The following HRH2 variants were observed in gnomAD, a reference collection of about 807,000 sequenced individuals.
The protein encoded by HRH2 is histamine H2 receptor.
HRH2 carries 4 observed loss-of-function variants against 20.1 expected under a neutral mutation model. The ratio of observed to expected loss-of-function variants is 0.20; its 90% CI spans 0.10 to 0.45. HRH2 has a LOEUF of 0.45. Ranked by LOEUF, HRH2 falls within the 20% of genes least tolerant of loss-of-function variation. The pLI is 0.99. For missense variants in HRH2, 250 were observed against 461.6 expected (o/e 0.54, Z 4.20); for synonymous variants, 197 against 200.7 (o/e 0.98, Z 0.16).
At chr5:175,691,165 G>C (rs1266157967) in intron 2 of HRH2, 1 of 152,328 alleles carries the variant, frequency 6.6e-6, no homozygotes, top group Non-Finnish European at 1.5e-5. Context: ...GCGGCCACGC[G>C]GCCACGCGGA....
Position 175,684,029 on chromosome 5 carries a change from A to G in HRH2, c.796A>G (p.Asn266Asp). 1 of 1,614,156 alleles carries G rather than the reference A, an allele frequency of 6.2e-7. No individual in the cohort carries two copies. The highest frequency in any genetic ancestry group is 8.5e-7 in the Non-Finnish European group (1 of 1,180,024). The change falls in exon 2 of 3, where the codon AAT (asparagine) becomes GAT (aspartate). Residue 266 changes from asparagine (N) to aspartate (D), a missense_variant. Around this residue, in one of 5 missense-constraint regions of HRH2, gnomAD observed 58 missense variants for 166.8 expected, o/e 0.35. Coordinates refer to ENST00000636584, the MANE Select transcript of HRH2 (RefSeq NM_001367711.1). ...YRGLRGDDAI[N>D]EVLEAIVLWL... ...TGGGCTGAGAGGGGATGATGCCATC[A>G]ATGAGGTGTTAGAAGCCATCGTTCT... is the stretch of plus-strand genomic sequence containing the variant.
intron 1 of HRH2, among the ~76,000 whole-genome samples, chr5:175,678,423 C>T (rs1755834026): frequency 6.6e-6 from 1 of 152,232 alleles, no homozygotes; most frequent in African/African-American, 2.4e-5. Flanking sequence ...AAGGTAGTAG[C>T]ATCACCATTT....
At chr5:175,672,222 C>A (rs935791571) in intron 1 of HRH2, among the ~76,000 whole-genome samples, 6 of 152,206 alleles carry the variant, frequency 3.9e-5, no homozygotes, top group Admixed American at 6.5e-5. Flanking sequence ...GGATTCCCAG[C>A]CCAGTGTTCT....
intron 1 of HRH2, among the ~76,000 whole-genome samples, chr5:175,673,905 A>G (rs1755661936): frequency 6.6e-6 from 1 of 151,898 alleles, no homozygotes; most frequent in African/African-American, 2.4e-5. Context: ...GAGTTTTGCC[A>G]TGTTGGCCAG....
At chr5:175,690,441 C>T (rs1561734703) in intron 2 of HRH2, among the ~76,000 whole-genome samples, 1 of 152,110 alleles carries the variant, frequency 6.6e-6, no homozygotes, top group Admixed American at 6.5e-5. Flanking sequence ...GTGTAAGGGG[C>T]GCAGACATTT....
chr5:175,666,174 C>T (rs1255235327), intron 1 of HRH2, among the ~76,000 whole-genome samples: 1 of 152,162 alleles, frequency 6.6e-6, no homozygotes, highest in Non-Finnish European at 1.5e-5. Flanking sequence ...GGACCAGCCT[C>T]ATCCCTGTCT....
intron 1 of HRH2, among the ~76,000 whole-genome samples, chr5:175,666,060 T>C (rs1455848027): frequency 1.3e-5 from 2 of 152,154 alleles, no homozygotes. Flanking sequence ...CACAGCTGTG[T>C]AGTGGCTCCC....
intron 1 of HRH2, among the ~76,000 whole-genome samples, chr5:175,664,167 C>A (rs1762821001): frequency 6.6e-6 from 1 of 152,216 alleles, no homozygotes; most frequent in Non-Finnish European, 1.5e-5. Flanking sequence ...ATTGCAAACA[C>A]CTCCAGCTCC....
chr5:175,692,882 C>T (rs1756434494), intron 2 of HRH2, among the ~76,000 whole-genome samples: 2 of 152,326 alleles, frequency 1.3e-5, no homozygotes, highest in African/African-American at 4.8e-5. Context: ...GTTTTTTATA[C>T]TAATGAGTCG....
intron 1 of HRH2, among the ~76,000 whole-genome samples, chr5:175,673,695 AGTTTTTTTTTTTT>A (rs1024866414): frequency 8.2e-5 from 12 of 146,746 alleles, no homozygotes; most frequent in African/African-American, 1.0e-4. Context: ...ATTTCACCTC[AGTTTTTTTTTTTT>A]GTTTTTTTTT....
intron 2 of HRH2, among the ~76,000 whole-genome samples, chr5:175,690,161 T>C (rs936222557): frequency 3.3e-5 from 5 of 152,126 alleles, no homozygotes; most frequent in Admixed American, 6.5e-5. Context: ...CACTTTGCAT[T>C]ACACCCAGGG....
intron 1 of HRH2, among the ~76,000 whole-genome samples, chr5:175,666,135 GC>G (rs1762883326): frequency 6.6e-6 from 1 of 152,114 alleles, no homozygotes. Flanking sequence ...GCCTGCCTGA[GC>G]CCTGAGGCCC....
chr5:175,667,593 C>A (rs1332429146), intron 1 of HRH2, among the ~76,000 whole-genome samples: 1 of 152,162 alleles, frequency 6.6e-6, no homozygotes, highest in Non-Finnish European at 1.5e-5. Context: ...CCCCCCACAT[C>A]CCCTGTAAGT....
intron 1 of HRH2, among the ~76,000 whole-genome samples, chr5:175,663,673 C>T (rs529989030): frequency 1.4e-4 from 21 of 152,354 alleles, no homozygotes; most frequent in African/African-American, 5.1e-4. Flanking sequence ...AGTTCCTCTG[C>T]CCAGCTTGCC....
At chr5:175,704,171 A>G (rs1294109233) in intron 2 of HRH2, among the ~76,000 whole-genome samples, 1 of 152,164 alleles carries the variant, frequency 6.6e-6, no homozygotes, top group African/African-American at 2.4e-5. Flanking sequence ...AGATTCAAAA[A>G]TAAGTATCAA....
chr5:175,691,052 A>G (rs893051023), intron 2 of HRH2, among the ~76,000 whole-genome samples: 1 of 151,986 alleles, frequency 6.6e-6, no homozygotes, highest in South Asian at 2.1e-4. Flanking sequence ...AGGGCAGCCC[A>G]TGGCCTCTGC....
chr5:175,683,140 C>G lies in HRH2; in HGVS notation c.-94C>G. ...GGACACATTTTGGATCTGTTGGGAG[C>G]TTGGAGTCCAGTGGTTGGCATAGTT... On this transcript the variant is annotated 5_prime_UTR_variant, in exon 2 of 3. Transcript: ENST00000636584. 4.0e-6 allele frequency: 5 copies of G among 1,242,450 alleles called. No homozygotes were observed. The South Asian group carries it at 5.8e-5, about 15-fold the overall frequency. The allele number at this position is 1,242,450 out of a possible 1,614,324, so 77.0% of individuals were successfully genotyped here.
intron 2 of HRH2, among the ~76,000 whole-genome samples, chr5:175,704,895 G>C (rs1372793408): frequency 1.3e-5 from 2 of 151,690 alleles, no homozygotes; most frequent in African/African-American, 2.4e-5. Flanking sequence ...ATGAGTACCT[G>C]GGTGCCTTGT....
chr5:175,695,730 G>T (rs911944571), intron 2 of HRH2, among the ~76,000 whole-genome samples: 1 of 152,194 alleles, frequency 6.6e-6, no homozygotes, highest in Admixed American at 6.5e-5. Flanking sequence ...GTGCTGCGGG[G>T]GCAGCAAACT....
Sources: allele counts gnomAD v4.1 joint callset (sites outside exome capture counted in the v4.1 genomes callset), GRCh38; gene constraint gnomAD v4.1.1; regional missense constraint gnomAD v4.1.1; transcripts MANE v1.5; gene names NCBI Gene and HGNC (gene_info 2026-07-23, HGNC 2026-07-21).